The following RORA variants were observed in gnomAD, a reference collection of about 807,000 sequenced individuals.
The protein encoded by RORA is nuclear receptor ROR-alpha.
Under a neutral mutation model 69.5 loss-of-function variants are expected in RORA, and 7 were observed. The ratio of observed to expected loss-of-function variants is 0.10; its 90% CI spans 0.06 to 0.19. The LOEUF is 0.19. RORA is among the 10% of genes least tolerant of loss of function. The pLI, the probability that RORA is intolerant of heterozygous loss-of-function variation, is 1.00. For missense variants in RORA, 457 were observed against 663.0 expected (o/e 0.69, Z 3.41); for synonymous variants, 261 against 240.8 (o/e 1.08, Z -0.78).
At chr15:60,683,555 T>G (rs2070686393) in intron 1 of RORA, among the ~76,000 whole-genome samples, 2 of 152,226 alleles carry the variant, frequency 1.3e-5, no homozygotes, top group South Asian at 4.1e-4. Flanking sequence ...GATGCACTTT[T>G]CTTGGGAGAT....
At chr15:60,741,354 G>A (rs904521696) in intron 1 of RORA, among the ~76,000 whole-genome samples, 16 of 152,188 alleles carry the variant, frequency 1.1e-4, no homozygotes, top group Non-Finnish European at 1.9e-4. Flanking sequence ...GAGAAAGACT[G>A]TTTACTCTGT....
Position 61,147,586 on chromosome 15 carries a change from C to A in RORA, c.166+81467G>T, listed in dbSNP as rs1424335633. 6.6e-6 allele frequency among the ~76,000 whole-genome samples: 1 copy of A among 152,188 alleles called. No individual in the cohort carries two copies. Among genetic ancestry groups the A allele is most frequent in the Non-Finnish European group, 1.5e-5 (1 of 68,036 alleles). ...TGAAATTATTTGAGGAGAAAGTTAG[C>A]TGTCCATCAGTAACTTCTTCCGCTA... On this transcript the variant is annotated intron_variant, in intron 1 of 10. Coordinates refer to ENST00000335670, the MANE Select transcript of RORA (RefSeq NM_134261.3). The surrounding 1 kb of genome is among the most constrained non-coding windows in gnomAD (Gnocchi z 4.1).
intron 1 of RORA, among the ~76,000 whole-genome samples, chr15:60,943,431 C>T (rs775185127): frequency 6.6e-6 from 1 of 151,854 alleles, no homozygotes; most frequent in Admixed American, 6.6e-5. Context: ...CAAGGTCATA[C>T]TTAAAAAGAG....
At chr15:60,570,887 A>G (rs2067860090) in intron 2 of RORA, among the ~76,000 whole-genome samples, 1 of 152,190 alleles carries the variant, frequency 6.6e-6, no homozygotes, top group Admixed American at 6.5e-5. Flanking sequence ...CTCTGGGGTA[A>G]CAGGAGTGGC....
chr15:60,960,130 C>A (rs1893374290), intron 1 of RORA, among the ~76,000 whole-genome samples: 1 of 152,178 alleles, frequency 6.6e-6, no homozygotes, highest in South Asian at 2.1e-4. Flanking sequence ...GTTTACACAG[C>A]CACCTGGCTT....
At chr15:61,228,236 G>A (rs12901753) in intron 1 of RORA, among the ~76,000 whole-genome samples, 150,213 of 152,304 alleles carry the variant, frequency 0.99, 74,157 homozygotes, top group Middle Eastern at 1. Flanking sequence ...GCTCCCTCCG[G>A]ATGCGCGTGG....
intron 1 of RORA, among the ~76,000 whole-genome samples, chr15:60,981,427 T>A (rs1894042495): frequency 6.6e-6 from 1 of 152,074 alleles, no homozygotes; most frequent in South Asian, 2.1e-4. Context: ...TCTGAGACGC[T>A]CTTTATGGGT....
chr15:60,844,509 C>T lies in RORA; in HGVS notation c.167-165823G>A, dbSNP rs144829936. On this transcript the variant is annotated intron_variant, in intron 1 of 10. Transcript: ENST00000335670. ...AGTGTCATTTTACAAGCTGCTGCCA[C>T]GAGCAAGCCTCCACGCATGTCGAAT... 1.2e-3 allele frequency among the ~76,000 whole-genome samples: 176 copies of T among 152,218 alleles called. 4 individuals are homozygous for T. In the East Asian group the frequency reaches 0.03, roughly 26 times the overall value.
In RORA at chr15:60,875,851, C is replaced by T. The variant is rs116168871; in HGVS notation, c.167-197165G>A. On this transcript the variant is annotated intron_variant, in intron 1 of 10. Coordinates refer to ENST00000335670, the MANE Select transcript of RORA (RefSeq NM_134261.3). ...GTAGTAGATTCACTGTGAACCAGAA[C>T]GCCTGCAGGAGGTTAAACATTTTGG... Among the ~76,000 whole-genome samples the T allele has an allele frequency of 4.1e-3, 626 of 152,236 alleles. 5 individuals are homozygous for T. Among genetic ancestry groups the T allele is most frequent in the African/African-American group, 0.014 (599 of 41,534 alleles).
intron 1 of RORA, among the ~76,000 whole-genome samples, chr15:60,956,595 A>T (rs1363231573): frequency 6.6e-6 from 1 of 152,232 alleles, no homozygotes; most frequent in Admixed American, 6.5e-5. Flanking sequence ...TTTCATAAAT[A>T]TTCTGTGTCT....
chr15:60,703,880 A>C (rs1374702504), intron 1 of RORA, among the ~76,000 whole-genome samples: 1 of 152,068 alleles, frequency 6.6e-6, no homozygotes, highest in Non-Finnish European at 1.5e-5. Flanking sequence ...AAGAAAAAAA[A>C]AAAGGAAAGA....
chr15:61,154,024 T>C (rs1410035400), intron 1 of RORA, among the ~76,000 whole-genome samples: 10 of 152,274 alleles, frequency 6.6e-5, no homozygotes, highest in South Asian at 2.1e-4. Context: ...GATTAGTGAA[T>C]CTCAAACCCT....
chr15:60,538,895 AGCC>A (rs1329811965), intron 2 of RORA, among the ~76,000 whole-genome samples: 1 of 152,156 alleles, frequency 6.6e-6, no homozygotes, highest in Non-Finnish European at 1.5e-5. Context: ...TTACTAAACA[AGCC>A]ACTTCTCAAA....
At chr15:60,975,652 T>G (rs532706032) in intron 1 of RORA, among the ~76,000 whole-genome samples, 1 of 152,240 alleles carries the variant, frequency 6.6e-6, no homozygotes, top group Admixed American at 6.5e-5. Context: ...TCTGGGGCCC[T>G]CCACTTCTCT....
intron 1 of RORA, among the ~76,000 whole-genome samples, chr15:61,154,472 C>T (rs948832538): frequency 2.0e-5 from 3 of 152,020 alleles, no homozygotes; most frequent in South Asian, 2.1e-4. Context: ...ACTGAGCTTC[C>T]GGGCAAGAGA....
intron 1 of RORA, among the ~76,000 whole-genome samples, chr15:60,925,765 C>T (rs768720206): frequency 6.6e-6 from 1 of 152,238 alleles, no homozygotes; most frequent in African/African-American, 2.4e-5. Context: ...GCCCAGATGC[C>T]ACGAACCTGT....
chr15:60,782,220 A>C (rs887281944), intron 1 of RORA, among the ~76,000 whole-genome samples: 36 of 152,104 alleles, frequency 2.4e-4, no homozygotes, highest in African/African-American at 8.2e-4. Flanking sequence ...TGAGACTCCA[A>C]CTCAGCAAAA....
chr15:61,227,758 G>A (rs971467939), intron 1 of RORA, among the ~76,000 whole-genome samples: 1 of 152,200 alleles, frequency 6.6e-6, no homozygotes, highest in Non-Finnish European at 1.5e-5. Flanking sequence ...ACCCAAGCCG[G>A]GGCTGGAGAA....
intron 1 of RORA, among the ~76,000 whole-genome samples, chr15:61,103,795 C>A (rs778971046): frequency 6.6e-6 from 1 of 152,004 alleles, no homozygotes; most frequent in Admixed American, 6.6e-5. Context: ...AAGAGGCCAT[C>A]CCCCACCCCG....
Sources: allele counts gnomAD v4.1 joint callset (sites outside exome capture counted in the v4.1 genomes callset), GRCh38; gene constraint gnomAD v4.1.1; non-coding constraint Gnocchi (gnomAD v3.1); transcripts MANE v1.5; gene names NCBI Gene and HGNC (gene_info 2026-07-23, HGNC 2026-07-21).